Variants in UBE2L6 observed in about 807,000 individuals in gnomAD.
UBE2L6 encodes ubiquitin/ISG15-conjugating enzyme E2 L6.
UBE2L6 carries 11 observed loss-of-function variants against 13.6 expected under a neutral mutation model. The ratio of observed to expected loss-of-function variants is 0.81; its 90% CI spans 0.51 to 1.34. UBE2L6 has a LOEUF of 1.34. Ranked by LOEUF, UBE2L6 falls within the 40% of genes most tolerant of loss-of-function variation. The pLI is 0.00. For missense variants in UBE2L6, 197 were observed against 199.5 expected, an observed-to-expected ratio of 0.99 and a Z score of 0.07; for synonymous variants, 74 against 83.2, an observed-to-expected ratio of 0.89 and a Z score of 0.60.
At position 57,554,421 on chromosome 11, in the gene UBE2L6, C is replaced by T; in HGVS notation, c.310+16G>A. On this transcript the variant is annotated intron_variant, in intron 3 of 3. Transcript: ENST00000287156. ...ACCCAGTATCAGTCCCTCCTCCAAG[C>T]AAAGCCCAACCCCACCTTGGCAAGT... The T allele has an allele frequency of 6.2e-7, 1 of 1,612,378 alleles. No individual in the cohort carries two copies. Among genetic ancestry groups the T allele is most frequent in the African/African-American group, 1.3e-5 (1 of 75,010 alleles).
chr11:57,560,161 A>G (rs1313260452), intron 2 of UBE2L6, among the ~76,000 whole-genome samples, 176 bp downstream of exon 2: 6 of 152,234 alleles, frequency 3.9e-5, no homozygotes, highest in Non-Finnish European at 8.8e-5. Context: ...GGTGAACCTC[A>G]GAAGTATCTG....
intron 2 of UBE2L6, among the ~76,000 whole-genome samples, chr11:57,558,989 A>G (rs1222706580): frequency 6.6e-6 from 1 of 152,172 alleles, no homozygotes; most frequent in Non-Finnish European, 1.5e-5. Flanking sequence ...TGGTCTTGCC[A>G]ACTATTGAGG....
intron 2 of UBE2L6, among the ~76,000 whole-genome samples, chr11:57,558,133 C>A (rs1022139903): frequency 6.6e-6 from 1 of 152,128 alleles, no homozygotes; most frequent in Non-Finnish European, 1.5e-5. Context: ...GGCTGGAGTG[C>A]GATGGCCCAA....
At chr11:57,561,343 T>C (rs1414406140) in intron 1 of UBE2L6, among the ~76,000 whole-genome samples, 3 of 152,166 alleles carry the variant, frequency 2.0e-5, no homozygotes, top group Admixed American at 1.3e-4. Flanking sequence ...TGAATATCCC[T>C]TCTGAATTCT....
chr11:57,565,836 T>A (rs1302027815), intron 1 of UBE2L6, among the ~76,000 whole-genome samples: 1 of 152,132 alleles, frequency 6.6e-6, no homozygotes, highest in Non-Finnish European at 1.5e-5. Flanking sequence ...AGTGATGAGG[T>A]TGAGAAACTG....
Position 57,560,339 on chromosome 11 carries a change from G to T in UBE2L6, c.121C>A (p.Pro41Thr), listed in dbSNP as rs1419587580. The change falls in exon 2 of 4, where the codon CCC (proline) becomes ACC (threonine). Residue 41 changes from proline to threonine, a missense_variant and splice_region_variant. Transcript: ENST00000287156. Reference protein sequence around the residue: ...NVLVWHALLLPDQPPYHLKAF... With the variant: ...NVLVWHALLLTDQPPYHLKAF... ...CCATGGTCCCCATGGATACTCACGG[G>T]TAGGAGGAGAGCGTGCCACACCAGG... 2 of 1,613,432 alleles carry T rather than the reference G, an allele frequency of 1.2e-6. No homozygotes were observed. The highest frequency in any genetic ancestry group is 2.2e-5 in the East Asian group (1 of 44,874).
intron 1 of UBE2L6, among the ~76,000 whole-genome samples, chr11:57,564,614 C>T (rs551185970): frequency 1.3e-5 from 2 of 152,148 alleles, no homozygotes; most frequent in Admixed American, 1.3e-4. Flanking sequence ...ACCAGCCTGG[C>T]TAACATGGTG....
intron 2 of UBE2L6, among the ~76,000 whole-genome samples, chr11:57,559,285 G>T (rs1324046747): frequency 1.3e-5 from 2 of 152,144 alleles, no homozygotes; most frequent in Non-Finnish European, 2.9e-5. Flanking sequence ...TTAAAGAGAA[G>T]ACGACACAAC....
At chr11:57,560,486 C>T (rs952759218) in intron 1 of UBE2L6, 54 bp from the exon 2 acceptor site, 2 of 1,366,464 alleles carry the variant, frequency 1.5e-6, no homozygotes, top group Non-Finnish European at 1.0e-6. Flanking sequence ...TATTTCAGCC[C>T]CCTCCCCCTG....
chr11:57,552,344 G>A lies in UBE2L6; in HGVS notation c.*14C>T. 5 of 1,614,030 alleles carry A rather than the reference G, an allele frequency of 3.1e-6. No homozygotes were observed. Among genetic ancestry groups the A allele is most frequent in the Non-Finnish European group, 4.2e-6 (5 of 1,179,926 alleles). On this transcript the variant is annotated 3_prime_UTR_variant, in exon 4 of 4. Coordinates refer to ENST00000287156, the MANE Select transcript of UBE2L6 (RefSeq NM_004223.5). ...TATGCCGAGGATCCAGTGCACAGAG[G>A]GTCAGAACATGAGTTAGGAGGGCCG...
Position 57,567,624 on chromosome 11 carries a change from T to C in UBE2L6, c.-13A>G. 1 of 1,606,622 alleles carries C rather than the reference T, an allele frequency of 6.2e-7. No homozygotes were observed. Among genetic ancestry groups the C allele is most frequent in the Non-Finnish European group, 8.5e-7 (1 of 1,177,486 alleles). ...TGCTCGCCATCATGTCGGGACCGAG[T>C]GTGTGGCACCCGTGGCCTCCAGCAG... On this transcript the variant is annotated 5_prime_UTR_variant, in exon 1 of 4. Coordinates refer to ENST00000287156, the MANE Select transcript of UBE2L6 (RefSeq NM_004223.5).
chr11:57,567,599 T>C lies in UBE2L6; in HGVS notation c.13A>G (p.Met5Val), dbSNP rs778109418. ...TACGCGGTTACCTTCACCACTCGCA[T>C]GCTCGCCATCATGTCGGGACCGAGT... MMAS[M>V]RVVKELEDLQ... The change falls in exon 1 of 4, where the codon ATG becomes GTG. Residue 5 changes from methionine (M) to valine (V), a missense_variant. Met to Val is a conservative substitution (Grantham distance 21). Transcript: ENST00000287156. The C allele has an allele frequency of 6.2e-7, 1 of 1,608,502 alleles. No individual in the cohort carries two copies. Among genetic ancestry groups the C allele is most frequent in the Non-Finnish European group, 8.5e-7 (1 of 1,178,342 alleles).
At position 57,565,356 on chromosome 11, in the gene UBE2L6, GT is replaced by G. The variant is rs370848897; in HGVS notation, c.27+2228del. On this transcript the variant is annotated intron_variant, in intron 1 of 3. Transcript: ENST00000287156. ...TTAAAGTATACAGTTTGTATTAGTT[GT>G]TTTTTTTTTTTTTTTTTTTTTTTTT... 1.8e-3 allele frequency among the ~76,000 whole-genome samples: 180 copies of G among 98,200 alleles called. 1 individual carries two copies. The highest frequency in any genetic ancestry group is 2.9e-3 in the South Asian group (8 of 2,766). 64.4% of individuals were successfully genotyped at this position (98,200 alleles called of 152,430 possible).
chr11:57,565,077 T>C (rs1945077071), intron 1 of UBE2L6, among the ~76,000 whole-genome samples: 1 of 151,936 alleles, frequency 6.6e-6, no homozygotes, highest in Non-Finnish European at 1.5e-5. Context: ...ACCCCGTCTC[T>C]ACTAAAAATA....
At chr11:57,561,336 A>C (rs916189888) in intron 1 of UBE2L6, among the ~76,000 whole-genome samples, 4 of 152,172 alleles carry the variant, frequency 2.6e-5, no homozygotes, top group Non-Finnish European at 5.9e-5. Context: ...AAACACCTGA[A>C]TATCCCTTCT....
intron 2 of UBE2L6, among the ~76,000 whole-genome samples, chr11:57,555,961 T>G (rs1204338290): frequency 7.9e-5 from 12 of 152,096 alleles, no homozygotes; most frequent in Non-Finnish European, 1.8e-4. Context: ...TTACTATGAT[T>G]AAAAACAAAC....
intron 1 of UBE2L6, among the ~76,000 whole-genome samples, chr11:57,566,563 T>C (rs1945094109): frequency 6.7e-6 from 1 of 148,720 alleles, no homozygotes; most frequent in African/African-American, 2.5e-5. Flanking sequence ...CAATAAATTC[T>C]GGCTCCCATC....
rs1457092177 is a variant in UBE2L6, at chr11:57,552,491, A to C, written c.329T>G (p.Val110Gly). The C allele has an allele frequency of 6.2e-7, 1 of 1,614,088 alleles. No individual in the cohort carries two copies. The highest frequency in any genetic ancestry group is 8.5e-7 in the Non-Finnish European group (1 of 1,180,040). Residue 110 changes from valine (V) to glycine (G), a missense_variant, in exon 4 of 4, where the codon GTG becomes GGG. Transcript: ENST00000287156. ...KTCQVLEALN[V>G]LVNRPNIREP... ...CCTGATATTCGGTCTATTCACCAGC[A>C]CATTGAGGGCCTCCAGGACTGGGGA...
chr11:57,562,783 G>T (rs1372228213), intron 1 of UBE2L6, among the ~76,000 whole-genome samples: 1 of 152,200 alleles, frequency 6.6e-6, no homozygotes, highest in Non-Finnish European at 1.5e-5. Flanking sequence ...GGCTTGGAGT[G>T]CCCCCTTATG....
Sources: allele counts gnomAD v4.1 joint callset (sites outside exome capture counted in the v4.1 genomes callset), GRCh38; gene constraint gnomAD v4.1.1; transcripts MANE v1.5; gene names NCBI Gene and HGNC (gene_info 2026-07-23, HGNC 2026-07-21).